MAGEA4: variants seen among roughly 807,000 people sequenced by gnomAD.
The protein encoded by MAGEA4 is MAGE family member A4, also known as melanoma-associated antigen 4.
A neutral mutation model predicts 13.7 loss-of-function variants in MAGEA4; 1 was observed. The observed-to-expected ratio is 0.07, with a 90% CI of 0.03 to 0.35. The LOEUF is 0.35. Among genes scored for constraint, MAGEA4 ranks in the 10% least tolerant of loss-of-function variants. MAGEA4 has a pLI of 0.99. For missense variants in MAGEA4, 312 were observed against 245.1 expected (o/e 1.27, Z -1.82); for synonymous variants, 132 against 101.1 (o/e 1.31, Z -1.83).
chrX:151,923,411 G>A (rs1933536535), intron 1 of MAGEA4, 42 bp from the exon 2 acceptor site: 2 of 1,103,969 alleles, frequency 1.8e-6, no homozygotes, highest in Non-Finnish European at 2.4e-6. Flanking sequence ...GACCTCTGCT[G>A]GCCGGCTATA....
intron 1 of MAGEA4, chrX:151,913,344 C>G (rs1303370810): frequency 7.0e-6 from 1 of 143,869 alleles, no homozygotes; most frequent in Non-Finnish European, 1.2e-5. Flanking sequence ...TCCCAAACAC[C>G]CCACCACCTT....
intron 1 of MAGEA4, among the ~76,000 whole-genome samples, chrX:151,922,282 C>G (rs939639811): frequency 9.0e-6 from 1 of 111,346 alleles, no homozygotes; most frequent in Non-Finnish European, 1.9e-5. Flanking sequence ...CCCTATGTGC[C>G]AATTTCACTT....
intron 1 of MAGEA4, chrX:151,913,407 C>T: frequency 1.1e-5 from 5 of 445,391 alleles, no homozygotes; most frequent in Non-Finnish European, 1.4e-5. Flanking sequence ...GACCTCACCC[C>T]TCCCACCCCC....
chrX:151,920,233 A>G (rs962813404), intron 1 of MAGEA4, among the ~76,000 whole-genome samples: 1 of 109,988 alleles, frequency 9.1e-6, no homozygotes, highest in Non-Finnish European at 1.9e-5. Flanking sequence ...TCAGTCTGAC[A>G]GGCAGCTTGG....
chrX:151,912,561 A>C, upstream of MAGEA4: 1 of 360,973 alleles, frequency 2.8e-6, no homozygotes, highest in South Asian at 2.5e-5. Context: ...AGGCTGTGCC[A>C]GGCGTCAAAG....
At chrX:151,923,569 G>A in intron 2 of MAGEA4, 31 bp from the exon 3 acceptor site, 1 of 1,209,912 alleles carries the variant, frequency 8.3e-7, no homozygotes, top group Non-Finnish European at 1.1e-6. Context: ...GTTCTCAGCT[G>A]AGGTCTCTCA....
At chrX:151,913,677 C>T (rs1933001418) in intron 1 of MAGEA4, 10 of 699,249 alleles carry the variant, frequency 1.4e-5, no homozygotes, top group Non-Finnish European at 1.7e-5. Flanking sequence ...CAGCCGTGGG[C>T]CACCCGTGGG....
At position 151,923,933 on chromosome X, in the gene MAGEA4, G is replaced by A; in HGVS notation, c.269G>A (p.Ser90Asn). ...CWRQPNEGSSSQEEEGPSTSP... is the reference protein window; with the variant it reads ...CWRQPNEGSSNQEEEGPSTSP... ...AGGCAACCCAATGAGGGTTCCAGCA[G>A]CCAAGAAGAGGAGGGGCCAAGCACC... Residue 90 changes from serine to asparagine, a missense_variant, in exon 3 of 3, where the codon AGC becomes AAC. Coordinates refer to ENST00000276344, the MANE Select transcript of MAGEA4 (RefSeq NM_001011548.1). 1 of 1,211,579 alleles carries A rather than the reference G, an allele frequency of 8.3e-7. No individual in the cohort carries two copies. Among genetic ancestry groups the A allele is most frequent in the Non-Finnish European group, 1.1e-6 (1 of 895,413 alleles).
rs776285619 is a variant in MAGEA4 at position 151,923,972 on chromosome X, A to C, written c.308A>C (p.Glu103Ala). The C allele has an allele frequency of 2.5e-6, 3 of 1,210,529 alleles. No homozygotes were observed. Among genetic ancestry groups the C allele is most frequent in the Non-Finnish European group, 3.4e-6 (3 of 895,315 alleles). The change falls in exon 3 of 3, where the codon GAG (glutamate) becomes GCG (alanine). Residue 103 changes from glutamate to alanine, a missense_variant. Coordinates refer to ENST00000276344, the MANE Select transcript of MAGEA4 (RefSeq NM_001011548.1). ...EEGPSTSPDA[E>A]SLFREALSNK... Reference sequence around the variant, plus strand: ...GGGCCAAGCACCTCGCCTGACGCAGAGTCCTTGTTCCGAGAAGCACTCAGT... The same window carrying C: ...GGGCCAAGCACCTCGCCTGACGCAGCGTCCTTGTTCCGAGAAGCACTCAGT...
intron 1 of MAGEA4, chrX:151,913,470 G>C (rs1262991889): frequency 2.8e-6 from 2 of 716,628 alleles, no homozygotes; most frequent in African/African-American, 5.0e-5. Context: ...AAGCCCCAGG[G>C]GCCCGGATGT....
rs1169191655 is a variant in MAGEA4, at chrX:151,924,816, A to G, written c.*198A>G. On this transcript the variant is annotated 3_prime_UTR_variant, in exon 3 of 3. Coordinates refer to ENST00000276344, the MANE Select transcript of MAGEA4 (RefSeq NM_001011548.1). ...AGATTTATCTCTGTTTCCTTTTACA[A>G]TTGTTGAAATGTTCCTTTTAATGGA... 1.8e-5 allele frequency: 7 copies of G among 394,998 alleles called. No individual in the cohort carries two copies. Among genetic ancestry groups the G allele is most frequent in the South Asian group, 8.9e-5 (1 of 11,291 alleles). 32.6% of individuals were successfully genotyped at this position (394,998 alleles called of 1,213,427 possible).
At chrX:151,920,039 C>T (rs1933346493) in intron 1 of MAGEA4, among the ~76,000 whole-genome samples, 1 of 101,857 alleles carries the variant, frequency 9.8e-6, no homozygotes, top group Non-Finnish European at 2.0e-5. Flanking sequence ...CACCCTATCC[C>T]CCACCAGCAC....
intron 2 of MAGEA4, 21 bp from the exon 3 acceptor site, chrX:151,923,579 A>C: frequency 8.3e-7 from 1 of 1,210,405 alleles, no homozygotes; most frequent in Non-Finnish European, 1.1e-6. Flanking sequence ...GAGGTCTCTC[A>C]CATGCTCCCT....
rs41302158 is a variant in MAGEA4, at chrX:151,923,786, C to T, written c.122C>T (p.Ser41Phe). The change falls in exon 3 of 3, where the codon TCC (serine) becomes TTC (phenylalanine). Residue 41 changes from serine (S) to phenylalanine (F), a missense_variant. By Grantham distance (155) the Ser-to-Phe change is radical (BLOSUM62 -2). Transcript: ENST00000276344. The stretch of plus-strand genomic sequence containing the variant: ...ACTGAGGAGCAGGAGGCTGCTGTCT[C>T]CTCCTCCTCTCCTCTGGTCCCTGGC... ...PTTEEQEAAV[S>F]SSSPLVPGTL... 4.1e-3 allele frequency: 4,937 copies of T among 1,197,447 alleles called. 14 individuals are homozygous for T. Among genetic ancestry groups the T allele is most frequent in the Non-Finnish European group, 5.2e-3 (4,624 of 893,256 alleles).
chrX:151,913,417 CAT>C, intron 1 of MAGEA4: 3 of 534,690 alleles, frequency 5.6e-6, no homozygotes, highest in Non-Finnish European at 6.8e-6. Flanking sequence ...CTCCCACCCC[CAT>C]CCACGCTGAA....
In MAGEA4 at chrX:151,923,797, C is replaced by T. The variant is rs201754404; in HGVS notation, c.133C>T (p.Pro45Ser). Residue 45 changes from proline to serine, a missense_variant, in exon 3 of 3, where the codon CCT (proline) becomes TCT (serine). Transcript: ENST00000276344. The stretch of plus-strand genomic sequence containing the variant: ...GGAGGCTGCTGTCTCCTCCTCCTCT[C>T]CTCTGGTCCCTGGCACCCTGGAGGA... ...EQEAAVSSSS[P>S]LVPGTLEEVP... 8 of 1,208,941 alleles carry T rather than the reference C, an allele frequency of 6.6e-6. No homozygotes were observed. In the East Asian group the frequency reaches 2.1e-4, roughly 31 times the overall value.
intron 1 of MAGEA4, among the ~76,000 whole-genome samples, chrX:151,921,484 A>G (rs1933436710): frequency 8.9e-6 from 1 of 112,007 alleles, no homozygotes; most frequent in African/African-American, 3.2e-5. Flanking sequence ...TCCCACTGCC[A>G]CTAAAGCTAC....
rs1454659361 is a variant in MAGEA4 at position 151,924,949 on chromosome X, C to T, written c.*331C>T. 2 of 182,737 alleles carry T rather than the reference C, an allele frequency of 1.1e-5. No homozygotes were observed. The highest frequency in any genetic ancestry group is 2.1e-4 in the South Asian group (1 of 4,753). 15.1% of individuals were successfully genotyped at this position (182,737 alleles called of 1,213,427 possible). On this transcript the variant is annotated 3_prime_UTR_variant, in exon 3 of 3. Coordinates refer to ENST00000276344, the MANE Select transcript of MAGEA4 (RefSeq NM_001011548.1). ...TGTTTTTTATTCAGATTGGGAAATCCGTTCTATTTTGTGAATTTGGGACAT... is the reference window on the plus strand; with the variant it reads ...TGTTTTTTATTCAGATTGGGAAATCTGTTCTATTTTGTGAATTTGGGACAT...
chrX:151,914,058 A>C (rs867037039), intron 1 of MAGEA4: 1 of 12,329 alleles, frequency 8.1e-5, no homozygotes, highest in African/African-American at 3.7e-4. Flanking sequence ...CTTTCAACCC[A>C]CCCCCAAAAA....
Sources: allele counts gnomAD v4.1 joint callset (sites outside exome capture counted in the v4.1 genomes callset), GRCh38; gene constraint gnomAD v4.1.1; transcripts MANE v1.5; gene names NCBI Gene and HGNC (gene_info 2026-07-23, HGNC 2026-07-21).